The following PLPPR1 variants were observed in gnomAD, a reference collection of about 807,000 sequenced individuals.
PLPPR1 encodes phospholipid phosphatase related 1, also known as phospholipid phosphatase-related protein type 1.
PLPPR1 carries 10 observed loss-of-function variants against 33.1 expected under a neutral mutation model. The observed-to-expected ratio is 0.30, with a 90% CI of 0.19 to 0.51. The LOEUF (loss-of-function observed/expected upper bound fraction) is 0.51, where lower values mean the gene tolerates loss of function less well. PLPPR1 is among the 20% of genes least tolerant of loss of function. The pLI, the probability that PLPPR1 is intolerant of heterozygous loss-of-function variation, is 0.97. For synonymous variants in PLPPR1, 151 were observed against 151.0 expected, an observed-to-expected ratio of 1.00 and a Z score of 0.00; for missense variants, 304 against 408.1, an observed-to-expected ratio of 0.74 and a Z score of 2.20.
At chr9:101,050,895 C>T (rs1271721594) in intron 1 of PLPPR1, among the ~76,000 whole-genome samples, 11 of 152,166 alleles carry the variant, frequency 7.2e-5, no homozygotes, top group Admixed American at 6.5e-4. Context: ...CTGCACATCT[C>T]CTTTCATCCA....
intron 1 of PLPPR1, among the ~76,000 whole-genome samples, chr9:101,032,682 T>G (rs1829960233): frequency 6.6e-6 from 1 of 152,160 alleles, no homozygotes; most frequent in Non-Finnish European, 1.5e-5. Context: ...TGCATTAGAA[T>G]AGTAGAAGAT....
chr9:101,227,172 G>T (rs913241724), intron 2 of PLPPR1, among the ~76,000 whole-genome samples: 1 of 152,184 alleles, frequency 6.6e-6, no homozygotes, highest in Non-Finnish European at 1.5e-5. Flanking sequence ...CTAGGATCCC[G>T]TAGGGGAGCC....
chr9:101,232,842 G>A (rs950718611), intron 2 of PLPPR1, among the ~76,000 whole-genome samples: 3 of 151,872 alleles, frequency 2.0e-5, no homozygotes, highest in Admixed American at 1.3e-4. Flanking sequence ...TCAACATTAC[G>A]AGGGGCTTTT....
chr9:101,229,758 T>A (rs780663611), intron 2 of PLPPR1, among the ~76,000 whole-genome samples: 14 of 152,140 alleles, frequency 9.2e-5, no homozygotes, highest in Non-Finnish European at 1.9e-4. Flanking sequence ...AGAACCCATT[T>A]GAAGGGTCAG....
chr9:101,219,022 A>G (rs932193192), intron 2 of PLPPR1, among the ~76,000 whole-genome samples: 1 of 152,208 alleles, frequency 6.6e-6, no homozygotes, highest in African/African-American at 2.4e-5. Context: ...TGACTGAGTC[A>G]GCAGAGGAAC....
chr9:101,307,746 T>C (rs1828881169), intron 4 of PLPPR1, among the ~76,000 whole-genome samples: 2 of 152,352 alleles, frequency 1.3e-5, no homozygotes, highest in African/African-American at 4.8e-5. Context: ...AATTTGCAGA[T>C]TCAGAACACT....
intron 1 of PLPPR1, among the ~76,000 whole-genome samples, chr9:101,092,674 A>G (rs1830760803): frequency 6.6e-6 from 1 of 152,014 alleles, no homozygotes; most frequent in Non-Finnish European, 1.5e-5. Context: ...CTTATCCTCC[A>G]GATCTCGGCT....
chr9:101,323,797 C>G (rs1355615660), intron 7 of PLPPR1, among the ~76,000 whole-genome samples: 1 of 151,392 alleles, frequency 6.6e-6, no homozygotes, highest in African/African-American at 2.4e-5. Flanking sequence ...TGAGATTGCA[C>G]CATTGCACTC....
At chr9:101,210,435 C>T (rs1365225028) in intron 2 of PLPPR1, among the ~76,000 whole-genome samples, 3 of 152,108 alleles carry the variant, frequency 2.0e-5, no homozygotes, top group Admixed American at 1.3e-4. Flanking sequence ...GTCTGTGCCT[C>T]GCCATTCCCA....
chr9:101,143,158 T>G (rs1831475750), intron 1 of PLPPR1, among the ~76,000 whole-genome samples: 1 of 152,184 alleles, frequency 6.6e-6, no homozygotes, highest in Non-Finnish European at 1.5e-5. Context: ...AGCATGTTCT[T>G]TGTAAAACAC....
intron 1 of PLPPR1, among the ~76,000 whole-genome samples, chr9:101,081,663 AT>A (rs1332834161): frequency 1.9e-4 from 29 of 152,138 alleles, no homozygotes; most frequent in African/African-American, 6.3e-4. Context: ...ATTTAGATTA[AT>A]TTTTTTCTCT....
intron 1 of PLPPR1, among the ~76,000 whole-genome samples, chr9:101,067,242 A>C (rs1830430010): frequency 6.6e-6 from 1 of 151,720 alleles, no homozygotes; most frequent in African/African-American, 2.4e-5. Flanking sequence ...CCAAAAAAAA[A>C]AGACTCAAAG....
At chr9:101,169,536 T>G (rs1447300397) in intron 1 of PLPPR1, among the ~76,000 whole-genome samples, 1 of 152,144 alleles carries the variant, frequency 6.6e-6, no homozygotes, top group East Asian at 1.9e-4. Context: ...TGCTTTCTGC[T>G]TTCTTCTCAA....
chr9:101,142,842 A>C (rs552406721), intron 1 of PLPPR1, among the ~76,000 whole-genome samples: 1 of 152,276 alleles, frequency 6.6e-6, no homozygotes, highest in African/African-American at 2.4e-5. Context: ...CAGAGGATGC[A>C]ACTGAGATCA....
intron 1 of PLPPR1, among the ~76,000 whole-genome samples, chr9:101,156,062 GA>G (rs1187019023): frequency 1.3e-5 from 2 of 152,202 alleles, no homozygotes; most frequent in African/African-American, 2.4e-5. Flanking sequence ...GGTTATAGCA[GA>G]GAACAAAAGA....
chr9:101,083,540 A>G (rs551197871), intron 1 of PLPPR1, among the ~76,000 whole-genome samples: 3 of 152,300 alleles, frequency 2.0e-5, no homozygotes, highest in South Asian at 2.1e-4. Context: ...TCCCGTAAGC[A>G]TTTACTCCAG....
rs376997965 is a variant in PLPPR1, at chr9:101,079,661, C to A, written c.-46+50559C>A. ...GTGGCACGATCTTGGCTCACTGCAA[C>A]CTCTGTCTCCCAGGTTCACGCGATT... On this transcript the variant is annotated intron_variant, in intron 1 of 7. Transcript: ENST00000374874. 5.1e-3 allele frequency among the ~76,000 whole-genome samples: 774 copies of A among 152,038 alleles called. 1 individual carries two copies. The highest frequency in any genetic ancestry group is 0.01 in the Middle Eastern group (3 of 294).
intron 3 of PLPPR1, among the ~76,000 whole-genome samples, chr9:101,284,396 G>C (rs1261478940): frequency 6.6e-6 from 1 of 152,114 alleles, no homozygotes; most frequent in African/African-American, 2.4e-5. Flanking sequence ...TGTAGATGTG[G>C]AATCTACAGA....
chr9:101,219,638 T>C (rs1826885349), intron 2 of PLPPR1, among the ~76,000 whole-genome samples: 1 of 152,202 alleles, frequency 6.6e-6, no homozygotes, highest in Non-Finnish European at 1.5e-5. Flanking sequence ...TCTCAACATT[T>C]TGACTGTGCT....
Sources: gnomAD v4.1 joint callset for allele counts (sites outside exome capture counted in the v4.1 genomes callset) on GRCh38, gnomAD v4.1.1 for gene constraint, MANE v1.5 for transcripts, NCBI Gene and HGNC (gene_info 2026-07-23, HGNC 2026-07-21) for gene names.